SPICE1: variants seen among roughly 807,000 people sequenced by gnomAD.
The protein encoded by SPICE1 is spindle and centriole-associated protein 1.
SPICE1 carries 75 observed loss-of-function variants against 102.7 expected under a neutral mutation model. That is an observed-to-expected ratio of 0.73 (90% CI 0.61 to 0.88). The LOEUF is 0.88. Ranked by LOEUF, SPICE1 falls within the 40% of genes least tolerant of loss-of-function variation. The pLI is 0.00. For missense variants in SPICE1, 979 were observed against 1,020.1 expected (o/e 0.96, Z 0.55); for synonymous variants, 308 against 350.3 (o/e 0.88, Z 1.35).
chr3:113,454,256 A>G (rs745642955), intron 13 of SPICE1, among the ~76,000 whole-genome samples: 8 of 152,318 alleles, frequency 5.3e-5, no homozygotes, highest in African/African-American at 1.9e-4. Context: ...GGAAGTGGGT[A>G]TAAGTACCCA....
rs752098695 is a variant in SPICE1, at chr3:113,468,128, A to G, written c.1155+11T>C. 5.6e-6 allele frequency: 9 copies of G among 1,612,836 alleles called. No individual in the cohort carries two copies. In the South Asian group the frequency reaches 7.7e-5, roughly 14 times the overall value. On this transcript the variant is annotated intron_variant, in intron 10 of 17. Transcript: ENST00000295872. ...CCTGAAAAGAAGACTCTACTAACCT[A>G]ATGTCCTTACCTCTTTAAGGTACCG... is the stretch of plus-strand genomic sequence containing the variant.
intron 7 of SPICE1, 127 bp downstream of exon 7, chr3:113,488,818 A>T (rs1013320264): frequency 1.6e-6 from 1 of 608,566 alleles, no homozygotes; most frequent in African/African-American, 1.9e-5. Flanking sequence ...ATTTGGAAAT[A>T]CCAAAATAAA....
intron 8 of SPICE1, 70 bp downstream of exon 8, chr3:113,469,029 A>T: frequency 6.4e-7 from 1 of 1,567,776 alleles, no homozygotes; most frequent in Non-Finnish European, 8.6e-7. Context: ...ACATTCCTTC[A>T]AAAATTACTG....
chr3:113,455,956 T>C (rs188077807), intron 13 of SPICE1, among the ~76,000 whole-genome samples: 172 of 152,300 alleles, frequency 1.1e-3, no homozygotes, highest in African/African-American at 3.9e-3. Context: ...GAGGGAACAT[T>C]AAAGATAAAG....
chr3:113,467,771 G>A (rs1576629081), intron 10 of SPICE1, among the ~76,000 whole-genome samples: 1 of 152,176 alleles, frequency 6.6e-6, no homozygotes, highest in South Asian at 2.1e-4. Flanking sequence ...CTGAATGTGG[G>A]AGTAGGAAGC....
At chr3:113,497,884 T>C (rs1936930680) in intron 4 of SPICE1, among the ~76,000 whole-genome samples, 1 of 151,458 alleles carries the variant, frequency 6.6e-6, no homozygotes, top group African/African-American at 2.4e-5. Flanking sequence ...TAGGGCTTTT[T>C]TTTTTTTTTG....
rs576064951 is a variant in SPICE1, at chr3:113,465,043, C to A, written c.1287+610G>T. ...ATCACTTGAGCCCAGGAGGTCCAGGCTGCAATGAACTCATGCCACTGCACT... is the reference window on the plus strand; with the variant it reads ...ATCACTTGAGCCCAGGAGGTCCAGGATGCAATGAACTCATGCCACTGCACT... On this transcript the variant is annotated intron_variant, in intron 11 of 17. Coordinates refer to ENST00000295872, the MANE Select transcript of SPICE1 (RefSeq NM_144718.4). Among the ~76,000 whole-genome samples the A allele has an allele frequency of 4.0e-5, 6 of 150,558 alleles. No individual in the cohort carries two copies. In the East Asian group the frequency reaches 1.2e-3, roughly 29 times the overall value.
chr3:113,497,125 C>T (rs2107498851), intron 4 of SPICE1, among the ~76,000 whole-genome samples: 1 of 152,314 alleles, frequency 6.6e-6, no homozygotes, highest in Admixed American at 6.5e-5. Flanking sequence ...TATGCCAGAA[C>T]TTCTGGGTGA....
chr3:113,453,984 A>G, intron 13 of SPICE1, 34 bp from the exon 14 acceptor site: 1 of 1,516,764 alleles, frequency 6.6e-7, no homozygotes, highest in Non-Finnish European at 8.8e-7. Flanking sequence ...ACAAATATGT[A>G]TTATTTTCCC....
chr3:113,511,579 G>A (rs1161676786), intron 1 of SPICE1, among the ~76,000 whole-genome samples: 2 of 152,128 alleles, frequency 1.3e-5, no homozygotes, highest in Admixed American at 6.6e-5. Flanking sequence ...TGGACACAGG[G>A]AGGGGAGCAA....
chr3:113,483,248 C>T (rs1185489474), intron 7 of SPICE1, among the ~76,000 whole-genome samples: 12 of 152,044 alleles, frequency 7.9e-5, no homozygotes, highest in African/African-American at 1.2e-4. Flanking sequence ...TTTTTGCACA[C>T]TGATTTTGTA....
In SPICE1 at chr3:113,474,344, T is replaced by G. The variant is rs568380578; in HGVS notation, c.612-5106A>C. On this transcript the variant is annotated intron_variant, in intron 7 of 17. Coordinates refer to ENST00000295872, the MANE Select transcript of SPICE1 (RefSeq NM_144718.4). Reference sequence around the variant, plus strand: ...CTCCCACACCTTAATAATGGGAGACTTTAACAACCCCACTGTCAACATTAG... The same window carrying G: ...CTCCCACACCTTAATAATGGGAGACGTTAACAACCCCACTGTCAACATTAG... 4.0e-4 allele frequency among the ~76,000 whole-genome samples: 61 copies of G among 152,254 alleles called. 1 individual carries two copies. Among genetic ancestry groups the G allele is most frequent in the African/African-American group, 1.3e-3 (53 of 41,552 alleles).
intron 6 of SPICE1, among the ~76,000 whole-genome samples, chr3:113,491,161 T>A (rs1351039200): frequency 6.6e-6 from 1 of 152,244 alleles, no homozygotes; most frequent in Non-Finnish European, 1.5e-5. Flanking sequence ...GACAGAGACA[T>A]GCCTTAATCA....
intron 6 of SPICE1, among the ~76,000 whole-genome samples, chr3:113,490,687 A>C (rs560699511): frequency 6.6e-6 from 1 of 152,240 alleles, no homozygotes; most frequent in South Asian, 2.1e-4. Flanking sequence ...CAAGCTGAAC[A>C]GCTTTCTAAG....
In SPICE1 at chr3:113,453,453, A is replaced by AAATGG. The variant is rs1481260682; in HGVS notation, c.2142+8_2142+12dup. 1 of 1,585,124 alleles carries AAATGG rather than the reference A, an allele frequency of 6.3e-7. No individual in the cohort carries two copies. The highest frequency in any genetic ancestry group is 1.4e-5 in the African/African-American group (1 of 73,676). On this transcript the variant is annotated intron_variant, in intron 14 of 17. Coordinates refer to ENST00000295872, the MANE Select transcript of SPICE1 (RefSeq NM_144718.4). The stretch of plus-strand genomic sequence containing the variant: ...TCCTATATGTCCCTAATCAATCCTT[A>AAATGG]AATGGTACTCACAGAAGTCATGTCA...
intron 11 of SPICE1, among the ~76,000 whole-genome samples, chr3:113,461,336 TA>T (rs1270494531): frequency 6.6e-6 from 1 of 151,724 alleles, no homozygotes; most frequent in Non-Finnish European, 1.5e-5. Flanking sequence ...TATATATATA[TA>T]TTTTTAATAT....
intron 15 of SPICE1, 74 bp downstream of exon 15, chr3:113,450,262 A>T: frequency 6.3e-7 from 1 of 1,579,786 alleles, no homozygotes; most frequent in Non-Finnish European, 8.7e-7. Flanking sequence ...TTTTGGCTTA[A>T]TATAAACTTG....
At chr3:113,481,684 T>C (rs1936508543) in intron 7 of SPICE1, among the ~76,000 whole-genome samples, 1 of 152,182 alleles carries the variant, frequency 6.6e-6, no homozygotes, top group African/African-American at 2.4e-5. Flanking sequence ...TTTCTGTTCT[T>C]ATGTTAGTTT....
chr3:113,514,107 G>T (rs1576654899), intron 1 of SPICE1, among the ~76,000 whole-genome samples: 1 of 152,278 alleles, frequency 6.6e-6, no homozygotes, highest in African/African-American at 2.4e-5. Flanking sequence ...TCCAGGCAAG[G>T]GAAAATGCAT....
Sources: gnomAD v4.1 joint callset for allele counts (sites outside exome capture counted in the v4.1 genomes callset) on GRCh38, gnomAD v4.1.1 for gene constraint, MANE v1.5 for transcripts, NCBI Gene and HGNC (gene_info 2026-07-23, HGNC 2026-07-21) for gene names.